Variants in UIMC1 observed in about 807,000 individuals in gnomAD.
UIMC1 encodes ubiquitin interaction motif containing 1.
Under a neutral mutation model 84.9 loss-of-function variants are expected in UIMC1, and 42 were observed. The ratio of observed to expected loss-of-function variants is 0.49; its 90% CI spans 0.39 to 0.64. The LOEUF is 0.64. Ranked by LOEUF, UIMC1 falls within the 30% of genes least tolerant of loss-of-function variation. UIMC1 has a pLI of 0.00. For missense variants in UIMC1, 825 were observed against 847.6 expected (o/e 0.97, Z 0.33); for synonymous variants, 281 against 293.0 (o/e 0.96, Z 0.42).
chr5:176,991,659 G>A (rs935744981), intron 1 of UIMC1, among the ~76,000 whole-genome samples: 5 of 146,840 alleles, frequency 3.4e-5, no homozygotes, highest in Admixed American at 6.8e-5. Context: ...AAGGCCAGGC[G>A]CGGTGGCTCA....
chr5:176,993,759 C>G (rs1773210527), intron 1 of UIMC1, among the ~76,000 whole-genome samples: 1 of 151,918 alleles, frequency 6.6e-6, no homozygotes, highest in African/African-American at 2.4e-5. Flanking sequence ...TGTAATCCCA[C>G]CACATTGGGA....
intron 10 of UIMC1, among the ~76,000 whole-genome samples, chr5:176,939,398 T>C (rs1423056120): frequency 6.6e-6 from 1 of 152,156 alleles, no homozygotes; most frequent in Non-Finnish European, 1.5e-5. Context: ...AAGGATGTAG[T>C]ACAGTCATGT....
intron 14 of UIMC1, 64 bp downstream of exon 14, chr5:176,905,947 C>A: frequency 6.4e-7 from 1 of 1,569,106 alleles, no homozygotes; most frequent in East Asian, 2.2e-5. Context: ...ACACAGAACA[C>A]AGGACAAGGC....
rs138197853 is a variant in UIMC1 at position 176,976,212 on chromosome 5, G to A, written c.148-732C>T. 5.1e-3 allele frequency among the ~76,000 whole-genome samples: 776 copies of A among 152,126 alleles called. 8 individuals carry two copies. Among genetic ancestry groups the A allele is most frequent in the African/African-American group, 0.015 (634 of 41,512 alleles). ...CAGGCATGGTCCTAGCTACTCAGGAGGCTGGAGCAGATGGATCGCTTGAAC... is the reference window on the plus strand; with the variant it reads ...CAGGCATGGTCCTAGCTACTCAGGAAGCTGGAGCAGATGGATCGCTTGAAC... On this transcript the variant is annotated intron_variant, in intron 2 of 14. Transcript: ENST00000511320.
chr5:177,005,664 T>A (rs1775149260), intron 1 of UIMC1, among the ~76,000 whole-genome samples: 1 of 151,950 alleles, frequency 6.6e-6, no homozygotes, highest in African/African-American at 2.4e-5. Context: ...GCTGAATGTA[T>A]CTGATTCCAA....
At position 176,927,449 on chromosome 5, in the gene UIMC1, TCAC is replaced by T. The variant is rs1311310201; in HGVS notation, c.1597+15883_1597+15885del. Among the ~76,000 whole-genome samples the T allele has an allele frequency of 2.6e-5, 4 of 152,012 alleles. No homozygotes were observed. The South Asian group carries it at 8.3e-4, about 32-fold the overall frequency. ...TTGTATTTTTAGTAGAGATGGTGTT[TCAC>T]CACATTGGCCAGGCTGGCCTTGAAC... On this transcript the variant is annotated intron_variant, in intron 10 of 14. Coordinates refer to ENST00000511320, the MANE Select transcript of UIMC1 (RefSeq NM_001199298.2).
At chr5:176,958,676 A>T (rs182930413) in intron 6 of UIMC1, among the ~76,000 whole-genome samples, 39 of 152,378 alleles carry the variant, frequency 2.6e-4, no homozygotes, top group African/African-American at 8.9e-4. Flanking sequence ...GGACATCTAA[A>T]GGGAAGGTTA....
chr5:177,010,782 C>A (rs780270468), upstream of UIMC1, among the ~76,000 whole-genome samples: 22 of 152,266 alleles, frequency 1.4e-4, no homozygotes, highest in South Asian at 2.5e-3. Context: ...CTCGGCCTCC[C>A]AAAGTGAGCA....
chr5:176,986,359 C>CAAAAAAAAAAAAAA (rs71583560), intron 1 of UIMC1, among the ~76,000 whole-genome samples: 1 of 28,016 alleles, frequency 3.6e-5, no homozygotes, highest in Non-Finnish European at 7.1e-5. Context: ...GACTTCATCT[C>CAAAAAAAAAAAAAA]AAAAAAAAAA....
chr5:176,973,344 A>G (rs916153585), intron 3 of UIMC1, among the ~76,000 whole-genome samples: 2 of 152,144 alleles, frequency 1.3e-5, no homozygotes, highest in African/African-American at 4.8e-5. Context: ...CAGACATACA[A>G]TCAGTACATA....
At chr5:177,019,326 T>C (rs1311557733) in intron 1 of UIMC1, among the ~76,000 whole-genome samples, 1 of 152,198 alleles carries the variant, frequency 6.6e-6, no homozygotes, top group Admixed American at 6.5e-5. Context: ...ATAATGTAGG[T>C]GCTTTGCAAA....
At chr5:177,020,689 CCAAAGT>C (rs1192688295) in intron 1 of UIMC1, among the ~76,000 whole-genome samples, 2 of 152,154 alleles carry the variant, frequency 1.3e-5, no homozygotes, top group African/African-American at 4.8e-5. Context: ...CCTCGGCCTC[CCAAAGT>C]GCTGGATTAC....
At chr5:176,949,573 G>A (rs925711903) in intron 9 of UIMC1, among the ~76,000 whole-genome samples, 63 of 152,166 alleles carry the variant, frequency 4.1e-4, no homozygotes, top group African/African-American at 1.4e-3. Flanking sequence ...AGGATCTGTC[G>A]TCAGTCACTC....
chr5:177,012,163 C>T (rs1157968727), intron 1 of UIMC1, among the ~76,000 whole-genome samples: 2 of 152,154 alleles, frequency 1.3e-5, no homozygotes, highest in Non-Finnish European at 2.9e-5. Context: ...TGGTTCCTAG[C>T]ATCGAATCTC....
At chr5:177,007,412 CAT>C (rs1234548198), upstream of UIMC1, among the ~76,000 whole-genome samples, 244 of 149,736 alleles carry the variant, frequency 1.6e-3, no homozygotes, top group African/African-American at 5.8e-3. Context: ...GTGCACAAGA[CAT>C]GTTCAAGGAG....
At chr5:176,946,571 A>G (rs1282405446) in intron 9 of UIMC1, among the ~76,000 whole-genome samples, 2 of 152,144 alleles carry the variant, frequency 1.3e-5, no homozygotes, top group African/African-American at 4.8e-5. Flanking sequence ...GCGATGGCTC[A>G]CGCTTATAAT....
In UIMC1 at chr5:176,970,479, C is replaced by T. The variant is rs1348339978; in HGVS notation, c.357+263G>A. On this transcript the variant is annotated intron_variant, in intron 4 of 14. Coordinates refer to ENST00000511320, the MANE Select transcript of UIMC1 (RefSeq NM_001199298.2). ...GGTATTCAGTAAGTCTTTTCAGAAG[C>T]TGTCAACTTATGATAATTCTTTCAA... 7 of 466,020 alleles carry T rather than the reference C, an allele frequency of 1.5e-5. No individual in the cohort carries two copies. The East Asian group carries it at 1.8e-4, about 12-fold the overall frequency. 28.9% of individuals were successfully genotyped at this position (466,020 alleles called of 1,614,324 possible).
chr5:176,989,817 C>T (rs1772541436), intron 1 of UIMC1, among the ~76,000 whole-genome samples: 1 of 152,098 alleles, frequency 6.6e-6, no homozygotes, highest in African/African-American at 2.4e-5. Flanking sequence ...GACCTATCCA[C>T]TATGGTCTAA....
chr5:176,982,003 C>T (rs1261763151), intron 2 of UIMC1, among the ~76,000 whole-genome samples: 1 of 152,188 alleles, frequency 6.6e-6, no homozygotes, highest in Non-Finnish European at 1.5e-5. Flanking sequence ...TCTAATACAA[C>T]TGACACTAGC....
Sources: gnomAD v4.1 joint callset for allele counts (sites outside exome capture counted in the v4.1 genomes callset) on GRCh38, gnomAD v4.1.1 for gene constraint, MANE v1.5 for transcripts, NCBI Gene and HGNC (gene_info 2026-07-23, HGNC 2026-07-21) for gene names.